NCAM1: variants seen among roughly 807,000 people sequenced by gnomAD.
NCAM1 encodes antigen recognized by monoclonal antibody 5.1H11.
A neutral mutation model predicts 109.8 loss-of-function variants in NCAM1; 14 were observed. The observed-to-expected ratio is 0.13, with a 90% confidence interval of 0.08 to 0.20. NCAM1 has a LOEUF of 0.20. Ranked by LOEUF, NCAM1 falls within the 10% of genes least tolerant of loss-of-function variation. NCAM1 has a pLI of 1.00. For synonymous variants in NCAM1, 418 were observed against 442.9 expected, an observed-to-expected ratio of 0.94 and a Z score of 0.70; for missense variants, 774 against 1,109.9, an observed-to-expected ratio of 0.70 and a Z score of 4.30.
intron 1 of NCAM1, among the ~76,000 whole-genome samples, chr11:113,100,683 T>C (rs1385128294): frequency 1.3e-5 from 2 of 152,106 alleles, no homozygotes; most frequent in Non-Finnish European, 1.5e-5. Context: ...CACACCACTC[T>C]GCTCCTCTGC....
At chr11:113,085,361 T>C (rs1260745100) in intron 1 of NCAM1, among the ~76,000 whole-genome samples, 2 of 152,232 alleles carry the variant, frequency 1.3e-5, no homozygotes, top group Admixed American at 6.5e-5. Context: ...GAGACATGGT[T>C]GGCCACTGTG....
At chr11:113,205,765 A>T in intron 4 of NCAM1, 99 bp downstream of exon 4, 4 of 1,459,832 alleles carry the variant, frequency 2.7e-6, no homozygotes, top group Admixed American at 2.1e-5. Flanking sequence ...ACTCCAATTC[A>T]TGTGTGCCCG....
intron 1 of NCAM1, among the ~76,000 whole-genome samples, chr11:113,157,222 GC>G (rs573828017): frequency 1.3e-5 from 2 of 151,952 alleles, no homozygotes; most frequent in South Asian, 4.2e-4. Context: ...CATGTCGTTT[GC>G]ACTGTTGGGT....
At chr11:113,000,251 A>G (rs1951710223) in intron 1 of NCAM1, among the ~76,000 whole-genome samples, 1 of 152,230 alleles carries the variant, frequency 6.6e-6, no homozygotes, top group Non-Finnish European at 1.5e-5. Context: ...AAAAGGAAGT[A>G]GTCCTTGATC....
intron 1 of NCAM1, among the ~76,000 whole-genome samples, chr11:113,045,291 AAG>A (rs1953226612): frequency 6.6e-6 from 1 of 152,132 alleles, no homozygotes; most frequent in African/African-American, 2.4e-5. Flanking sequence ...CCTTCCTGAG[AAG>A]AGAGAGAGGA....
intron 1 of NCAM1, among the ~76,000 whole-genome samples, chr11:113,140,248 G>T (rs1453958988): frequency 1.3e-5 from 2 of 152,122 alleles, no homozygotes; most frequent in Non-Finnish European, 2.9e-5. Flanking sequence ...GACTCATAGA[G>T]CTCAGAGTTA....
chr11:112,994,512 G>A (rs1555071064), intron 1 of NCAM1, among the ~76,000 whole-genome samples: 1 of 152,158 alleles, frequency 6.6e-6, no homozygotes, highest in African/African-American at 2.4e-5. Flanking sequence ...GAAGACTTAT[G>A]CCCTTCATTT....
At chr11:112,972,554 A>C (rs1207630552) in intron 1 of NCAM1, among the ~76,000 whole-genome samples, 3 of 152,130 alleles carry the variant, frequency 2.0e-5, no homozygotes, top group Admixed American at 2.0e-4. Context: ...TTGTTAAAAA[A>C]CGTCTTTCAC....
intron 15 of NCAM1, among the ~76,000 whole-genome samples, chr11:113,252,694 G>A (rs1945717175): frequency 6.6e-6 from 1 of 151,506 alleles, no homozygotes; most frequent in Non-Finnish European, 1.5e-5. Context: ...GGAGTGCAGT[G>A]GCATGATCTT....
intron 1 of NCAM1, among the ~76,000 whole-genome samples, chr11:113,143,789 A>G (rs1941917592): frequency 6.6e-6 from 1 of 152,206 alleles, no homozygotes; most frequent in Admixed American, 6.5e-5. Flanking sequence ...AAGAAAAACC[A>G]GAAACTGTTC....
intron 8 of NCAM1, 66 bp from the exon 9 acceptor site, chr11:113,221,230 C>A (rs1944684041): frequency 6.6e-7 from 1 of 1,508,956 alleles, no homozygotes; most frequent in East Asian, 2.5e-5. Context: ...GTGATACATT[C>A]TCTAAAGCAA....
chr11:113,209,740 C>T (rs1555113400), intron 7 of NCAM1, among the ~76,000 whole-genome samples: 1 of 152,212 alleles, frequency 6.6e-6, no homozygotes, highest in East Asian at 1.9e-4. Flanking sequence ...TCAGTAGATT[C>T]ACAAGCTAAT....
intron 1 of NCAM1, among the ~76,000 whole-genome samples, chr11:113,081,218 G>T (rs1285213282): frequency 2.0e-5 from 3 of 151,972 alleles, no homozygotes; most frequent in African/African-American, 7.3e-5. Flanking sequence ...TTACCTTTGT[G>T]CTACCAGAGC....
intron 1 of NCAM1, among the ~76,000 whole-genome samples, chr11:113,091,432 T>C (rs1555089356): frequency 6.6e-6 from 1 of 152,200 alleles, no homozygotes; most frequent in Non-Finnish European, 1.5e-5. Context: ...CAGACGTAGT[T>C]CACTGCTATT....
intron 1 of NCAM1, among the ~76,000 whole-genome samples, chr11:113,035,563 T>C (rs1940713): frequency 0.45 from 68,575 of 152,006 alleles, 16,371 homozygotes; most frequent in East Asian, 0.8. Flanking sequence ...AGCCCGCCAC[T>C]GAAATATTTT....
intron 2 of NCAM1, among the ~76,000 whole-genome samples, chr11:113,203,193 G>C (rs1158902525): frequency 6.6e-6 from 1 of 152,178 alleles, no homozygotes; most frequent in East Asian, 1.9e-4. Context: ...TGTAAATGGT[G>C]ACATTTAGCA....
At chr11:113,257,544 G>A (rs374093656) in intron 16 of NCAM1, among the ~76,000 whole-genome samples, 117 of 152,266 alleles carry the variant, frequency 7.7e-4, no homozygotes, top group Middle Eastern at 3.4e-3. Flanking sequence ...ACCATCTCCC[G>A]TATGACATCT....
intron 1 of NCAM1, among the ~76,000 whole-genome samples, chr11:113,049,927 A>G (rs1318834353): frequency 6.6e-6 from 1 of 152,186 alleles, no homozygotes; most frequent in Admixed American, 6.5e-5. Flanking sequence ...ACACAAGTCC[A>G]CCATTCTAAT....
At position 113,030,757 on chromosome 11, in the gene NCAM1, A is replaced by C. The variant is rs573352544; in HGVS notation, c.52+69093A>C. Reference sequence around the variant, plus strand: ...TATATTTTGTACTTCCTGTTGCAAAAGGGAAGATTTAACTAATTTTTTTCT... The same window carrying C: ...TATATTTTGTACTTCCTGTTGCAAACGGGAAGATTTAACTAATTTTTTTCT... On this transcript the variant is annotated intron_variant, in intron 1 of 19. Coordinates refer to ENST00000316851, the MANE Select transcript of NCAM1 (RefSeq NM_181351.5). Among the ~76,000 whole-genome samples, 53 of 152,312 alleles carry C rather than the reference A, an allele frequency of 3.5e-4. 3 individuals are homozygous for C. The South Asian group carries it at 0.011, about 31-fold the overall frequency.
Sources: allele counts gnomAD v4.1 joint callset (sites outside exome capture counted in the v4.1 genomes callset), GRCh38; gene constraint gnomAD v4.1.1; transcripts MANE v1.5; gene names NCBI Gene and HGNC (gene_info 2026-07-23, HGNC 2026-07-21).